The following FBXW10 variants were observed in gnomAD, a reference collection of about 807,000 sequenced individuals.
The protein encoded by FBXW10 is F-box/WD repeat-containing protein 10.
Under a neutral mutation model 113.1 loss-of-function variants are expected in FBXW10, and 68 were observed. The observed-to-expected ratio is 0.60, with a 90% CI of 0.49 to 0.74. The LOEUF (loss-of-function observed/expected upper bound fraction) is 0.74, where lower values mean the gene tolerates loss of function less well. Among genes scored for constraint, FBXW10 ranks in the 30% least tolerant of loss-of-function variants. The probability of loss-of-function intolerance (pLI) is 0.00; values close to 1 mark genes in which losing one functional copy is unlikely to be tolerated. For synonymous variants in FBXW10, 289 were observed against 481.6 expected (o/e 0.60, Z 5.24); for missense variants, 753 against 1,284.5 (o/e 0.59, Z 6.32).
At chr17:18,746,539 T>C (rs546803909) in intron 1 of FBXW10, among the ~76,000 whole-genome samples, 1 of 152,280 alleles carries the variant, frequency 6.6e-6, no homozygotes, top group African/African-American at 2.4e-5. Context: ...GATCACAATA[T>C]ATGTCACTTG....
At chr17:18,767,042 G>T (rs2035511211) in intron 9 of FBXW10, among the ~76,000 whole-genome samples, 180 bp downstream of exon 9, 2 of 152,140 alleles carry the variant, frequency 1.3e-5, no homozygotes, top group African/African-American at 4.8e-5. Flanking sequence ...GGAGGGTAGG[G>T]GCTCCACCAC....
Position 18,772,494 on chromosome 17 carries a change from CAAAAGAAGAATAAGGAGAAAGAGGAGGA to C in FBXW10, c.2100_2127del (p.Asn700LysfsTer28), listed in dbSNP as rs745380596. On this transcript the variant is annotated frameshift_variant, in exon 12 of 14. Coordinates refer to ENST00000395665, the MANE Select transcript of FBXW10 (RefSeq NM_001267585.2). LOFTEE classifies it high-confidence loss of function. ...GCAGTATGCCGTGGAAAAAACGAAA[CAAAAGAAGAATAAGGAGAAAGAGGAGGA>C]AAAAGAAGAAAATAGTCTCATGGAA... 6.2e-7 allele frequency: 1 copy of C among 1,613,734 alleles called. No homozygotes were observed. The highest frequency in any genetic ancestry group is 1.1e-5 in the South Asian group (1 of 91,072).
rs1301772675 is a variant in FBXW10 at position 18,748,101 on chromosome 17, C to A, written c.666C>A (p.Asn222Lys). Residue 222 changes from asparagine (N) to lysine (K), a missense_variant, in exon 2 of 14, where the codon AAC (asparagine) becomes AAA (lysine). Transcript: ENST00000395665. ...AACACTTGCTTGGGGCAGCATCTAACCCTGGTAAGTGAACTTTCAGCAAGA... is the reference window on the plus strand; with the variant it reads ...AACACTTGCTTGGGGCAGCATCTAAACCTGGTAAGTGAACTTTCAGCAAGA... ...ENEHLLGAASNPEEPWRNSLR... is the reference protein window; with the variant it reads ...ENEHLLGAASKPEEPWRNSLR... 2 of 1,613,716 alleles carry A rather than the reference C, an allele frequency of 1.2e-6. No individual in the cohort carries two copies. The highest frequency in any genetic ancestry group is 1.7e-5 in the Admixed American group (1 of 59,984).
chr17:18,747,387 C>T (rs562456338), intron 1 of FBXW10, among the ~76,000 whole-genome samples: 18 of 152,154 alleles, frequency 1.2e-4, no homozygotes, highest in Admixed American at 1.2e-3. Flanking sequence ...ATGGCGAAAC[C>T]CCATCTCTAC....
intron 5 of FBXW10, among the ~76,000 whole-genome samples, chr17:18,753,475 A>G (rs2035206759): frequency 6.6e-6 from 1 of 152,148 alleles, no homozygotes; most frequent in African/African-American, 2.4e-5. Context: ...TGCGGCTTCT[A>G]ATGTAACTCG....
intron 10 of FBXW10, chr17:18,769,557 A>G (rs980415768): frequency 1.5e-4 from 26 of 176,584 alleles, no homozygotes; most frequent in African/African-American, 6.2e-4. Context: ...TAGGTGGATC[A>G]CCTGAGGTCA....
intron 10 of FBXW10, 26 bp from the exon 11 acceptor site, chr17:18,769,901 C>T: frequency 1.2e-6 from 2 of 1,611,576 alleles, no homozygotes; most frequent in Non-Finnish European, 1.7e-6. Flanking sequence ...AGGATGGGTA[C>T]TGCCTGCTAC....
At position 18,767,354 on chromosome 17, in the gene FBXW10, C is replaced by T. The variant is rs532817965; in HGVS notation, c.1704+492C>T. 1.9e-4 allele frequency among the ~76,000 whole-genome samples: 28 copies of T among 151,004 alleles called. 1 individual carries two copies. The South Asian group carries it at 5.5e-3, about 29-fold the overall frequency. ...AATTAGCCGGGCATGGTGGTGGGCG[C>T]TTGTAACCTCAGCTACTTGGGAGGC... On this transcript the variant is annotated intron_variant, in intron 9 of 13. Transcript: ENST00000395665.
In FBXW10 at chr17:18,767,099, A is replaced by G. The variant is rs2035512226; in HGVS notation, c.1704+237A>G. On this transcript the variant is annotated intron_variant, in intron 9 of 13. Transcript: ENST00000395665. The stretch of plus-strand genomic sequence containing the variant: ...CATGGGGTTGGTAGAGGAAGGCTGC[A>G]TTCTGACTCAGCATGAGATATGGGC... 2.0e-5 allele frequency among the ~76,000 whole-genome samples: 3 copies of G among 152,300 alleles called. No homozygotes were observed. The South Asian group carries it at 6.2e-4, about 32-fold the overall frequency.
chr17:18,772,530 G>C lies in FBXW10; in HGVS notation c.2125G>C (p.Glu709Gln). The C allele has an allele frequency of 6.2e-7, 1 of 1,614,102 alleles. No individual in the cohort carries two copies. Among genetic ancestry groups the C allele is most frequent in the Non-Finnish European group, 8.5e-7 (1 of 1,179,952 alleles). ...KNKEKEEEKE[E>Q]NSLMEILSKC... ...TAAGGAGAAAGAGGAGGAAAAAGAA[G>C]AAAATAGTCTCATGGAAATTCTCTC... is the stretch of plus-strand genomic sequence containing the variant. Residue 709 changes from glutamate (E) to glutamine (Q), a missense_variant, in exon 12 of 14, where the codon GAA becomes CAA. Physicochemically the swap from Glu to Gln is conservative, Grantham distance 29. Coordinates refer to ENST00000395665, the MANE Select transcript of FBXW10 (RefSeq NM_001267585.2).
intron 12 of FBXW10, 50 bp from the exon 13 acceptor site, chr17:18,775,086 C>T (rs746021756): frequency 2.5e-6 from 3 of 1,193,210 alleles, no homozygotes; most frequent in East Asian, 2.3e-5. Context: ...TATTTTATGC[C>T]CTAATCGAAG....
intron 2 of FBXW10, among the ~76,000 whole-genome samples, chr17:18,748,961 A>G (rs1330737745): frequency 6.6e-6 from 1 of 152,218 alleles, no homozygotes; most frequent in Non-Finnish European, 1.5e-5. Context: ...TATCATAGGA[A>G]ATACAAGGCA....
chr17:18,748,103 C>T lies in FBXW10; in HGVS notation c.668C>T (p.Pro223Leu). ...NEHLLGAASN[P>L]EEPWRNSLRC... ...CACTTGCTTGGGGCAGCATCTAACC[C>T]TGGTAAGTGAACTTTCAGCAAGAAA... is the stretch of plus-strand genomic sequence containing the variant. Residue 223 changes from proline (P) to leucine (L), a missense_variant and splice_region_variant, in exon 2 of 14, where the codon CCT becomes CTT. Pro to Leu is a moderately conservative substitution (Grantham distance 98). Transcript: ENST00000395665. 1 of 1,613,834 alleles carries T rather than the reference C, an allele frequency of 6.2e-7. No individual in the cohort carries two copies. The highest frequency in any genetic ancestry group is 2.2e-5 in the East Asian group (1 of 44,856).
rs1567617947 is a variant in FBXW10 at position 18,756,100 on chromosome 17, T to C, written c.1178T>C (p.Ile393Thr). 3 of 1,613,998 alleles carry C rather than the reference T, an allele frequency of 1.9e-6. No homozygotes were observed. The highest frequency in any genetic ancestry group is 3.3e-5 in the Admixed American group (2 of 60,014). ...YQNEETQQVL[I>T]EERNVFCGTY... ...AACGAGGAAACGCAGCAGGTCCTGA[T>C]AGAGGAGAGAAATGTTTTCTGTGGG... Residue 393 changes from isoleucine (I) to threonine (T), a missense_variant, in exon 6 of 14, where the codon ATA (isoleucine) becomes ACA (threonine). Coordinates refer to ENST00000395665, the MANE Select transcript of FBXW10 (RefSeq NM_001267585.2).
intron 1 of FBXW10, among the ~76,000 whole-genome samples, chr17:18,745,929 A>C (rs1329975205): frequency 6.6e-6 from 1 of 152,198 alleles, no homozygotes; most frequent in East Asian, 1.9e-4. Context: ...ATTTCTAAGG[A>C]AAAGAGTTTT....
chr17:18,752,063 C>G (rs2035180930), intron 5 of FBXW10, among the ~76,000 whole-genome samples: 1 of 152,192 alleles, frequency 6.6e-6, no homozygotes, highest in Non-Finnish European at 1.5e-5. Flanking sequence ...TTGACTGTCG[C>G]TTCCCATAAG....
intron 13 of FBXW10, among the ~76,000 whole-genome samples, chr17:18,776,129 G>A (rs9909417): frequency 0.31 from 46,375 of 151,730 alleles, 7,577 homozygotes; most frequent in East Asian, 0.62. Flanking sequence ...GACCAGTCTG[G>A]CCAACATGGT....
At chr17:18,768,482 T>C in intron 9 of FBXW10, 52 bp from the exon 10 acceptor site, 1 of 1,602,796 alleles carries the variant, frequency 6.2e-7, no homozygotes, top group Non-Finnish European at 8.5e-7. Context: ...TCAGCTTTGG[T>C]TCTTGGAGGA....
In FBXW10 at chr17:18,750,919, G is replaced by T. The variant is rs751260413; in HGVS notation, c.1000-12G>T. The T allele has an allele frequency of 2.1e-5, 33 of 1,603,118 alleles. No individual in the cohort carries two copies. The highest frequency in any genetic ancestry group is 2.5e-5 in the Non-Finnish European group (29 of 1,176,466). ...TTTTTATTTTTATTTTTTATTTTTT[G>T]TCTTTTTCCAGGGGTCCTACACAAG... On this transcript the variant is annotated splice_polypyrimidine_tract_variant and intron_variant, in intron 4 of 13. Coordinates refer to ENST00000395665, the MANE Select transcript of FBXW10 (RefSeq NM_001267585.2).
Sources: allele counts gnomAD v4.1 joint callset (sites outside exome capture counted in the v4.1 genomes callset), GRCh38; gene constraint gnomAD v4.1.1; transcripts MANE v1.5; gene names NCBI Gene and HGNC (gene_info 2026-07-23, HGNC 2026-07-21).